The following GPRC5D variants were observed in gnomAD, a reference collection of about 807,000 sequenced individuals.
GPRC5D encodes the protein G protein-coupled receptor family C group 5 member D.
A neutral mutation model predicts 29.3 loss-of-function variants in GPRC5D; 20 were observed. That is an observed-to-expected ratio of 0.68 (90% confidence interval 0.48 to 0.99). The LOEUF is 0.99. GPRC5D is among the 50% of genes least tolerant of loss of function. The pLI is 0.00. For missense variants in GPRC5D, 384 were observed against 423.6 expected (o/e 0.91, Z 0.82); for synonymous variants, 178 against 171.3 (o/e 1.04, Z -0.30).
chr12:12,947,745 C>T lies in GPRC5D; in HGVS notation c.895+1745G>A, dbSNP rs117583201. On this transcript the variant is annotated intron_variant, in intron 1 of 2. Transcript: ENST00000228887. ...ATGCCCAGCTAATTTTTTGTAGAGACGGGGTTTCGCCATGTCGCCCAGGCT... is the reference window on the plus strand; with the variant it reads ...ATGCCCAGCTAATTTTTTGTAGAGATGGGGTTTCGCCATGTCGCCCAGGCT... 9.2e-3 allele frequency among the ~76,000 whole-genome samples: 1,404 copies of T among 152,120 alleles called. 69 individuals are homozygous for T. Among genetic ancestry groups the T allele is most frequent in the Admixed American group, 0.084 (1,282 of 15,284 alleles).
intron 1 of GPRC5D, among the ~76,000 whole-genome samples, chr12:12,944,817 CCTTCCTTCCTTCCT>C (rs1863243053): frequency 1.3e-4 from 1 of 7,542 alleles, no homozygotes; most frequent in African/African-American, 2.1e-4. Flanking sequence ...TTCCTTCCTT[CCTTCCTTCCTTCCT>C]TCCTTCCTTC....
exon 1 of GPRC5D, chr12:12,950,011 G>A (rs1214572085): frequency 1.9e-6 from 3 of 1,614,052 alleles, no homozygotes; most frequent in African/African-American, 1.3e-5. Flanking sequence ...TGTCGTCCAG[G>A]AGAAGGAGAC....
chr12:12,949,914 C>T (rs371918486), exon 1 of GPRC5D: 1 of 1,613,978 alleles, frequency 6.2e-7, no homozygotes, highest in African/African-American at 1.3e-5. Context: ...TATTCACAAA[C>T]ATCATACCTC....
At chr12:12,944,749 C>A (rs1863231773) in intron 1 of GPRC5D, among the ~76,000 whole-genome samples, 1 of 46,322 alleles carries the variant, frequency 2.2e-5, no homozygotes, top group Non-Finnish European at 8.4e-5. Context: ...TTCTTCCTTC[C>A]TTCCTTCCTT....
chr12:12,946,288 CTT>C (rs56158233), intron 1 of GPRC5D, among the ~76,000 whole-genome samples: 1 of 85,688 alleles, frequency 1.2e-5, no homozygotes, highest in African/African-American at 4.5e-5. Flanking sequence ...TCCTTCCTTC[CTT>C]TCTTCCTTCC....
intron 1 of GPRC5D, among the ~76,000 whole-genome samples, chr12:12,943,201 C>A (rs981322825): frequency 6.6e-6 from 1 of 152,146 alleles, no homozygotes; most frequent in African/African-American, 2.4e-5. Flanking sequence ...ATGGCTGCCT[C>A]CTCAACCAGC....
intron 2 of GPRC5D, 63 bp from the exon 4 acceptor site, chr12:12,940,912 G>A: frequency 2.6e-6 from 3 of 1,148,970 alleles, no homozygotes; most frequent in Non-Finnish European, 4.0e-6. Context: ...ATTCTCCAAA[G>A]TTATGTTTTT....
At chr12:12,946,145 C>G (rs1187847885) in intron 1 of GPRC5D, among the ~76,000 whole-genome samples, 1 of 152,128 alleles carries the variant, frequency 6.6e-6, no homozygotes, top group Non-Finnish European at 1.5e-5. Context: ...CATTTTTAAT[C>G]TAAATCTCTC....
At position 12,944,848 on chromosome 12, in the gene GPRC5D, TCCTTC is replaced by T. The variant is rs1565477429; in HGVS notation, c.896-2525_896-2521del. On this transcript the variant is annotated intron_variant, in intron 1 of 2. Transcript: ENST00000228887. ...TTCCTTCCTTCCTTCCTTCCTTCCT[TCCTTC>T]TTTCTTTCTTTCTTTCTTTCTTTCT... Among the ~76,000 whole-genome samples the T allele has an allele frequency of 3.9e-4, 22 of 55,838 alleles. 1 individual carries two copies. The highest frequency in any genetic ancestry group is 1.0e-3 in the African/African-American group (20 of 19,334). The allele number at this position is 55,838 out of a possible 152,430, so 36.6% of individuals were successfully genotyped here. A position where few individuals can be genotyped will look rare whatever the true frequency, so the allele number is the denominator to read the frequency against.
intron 1 of GPRC5D, among the ~76,000 whole-genome samples, chr12:12,944,834 CTTCCTTCCTTCCTTCCTTCTTTCTTTCT>C (rs1863249375): frequency 1.5e-4 from 3 of 20,030 alleles, no homozygotes; most frequent in African/African-American, 2.9e-4. Flanking sequence ...TCCTTCCTTC[CTTCCTTCCTTCCTTCCTTCTTTCTTTCT>C]TTCTTTCTTT....
chr12:12,940,687 G>T, downstream of GPRC5D: 1 of 757,834 alleles, frequency 1.3e-6, no homozygotes, highest in Admixed American at 1.8e-5. Flanking sequence ...TTCATTGGCA[G>T]CGTGACTCTG....
chr12:12,946,323 TTC>T (rs1460491365), intron 1 of GPRC5D, among the ~76,000 whole-genome samples: 2 of 147,046 alleles, frequency 1.4e-5, no homozygotes, highest in Admixed American at 1.3e-4. Flanking sequence ...CTTTCTTTCT[TTC>T]TTTCTTTCTT....
chr12:12,942,174 A>G (rs1863169098), intron 2 of GPRC5D, 87 bp downstream of exon 3: 1 of 866,830 alleles, frequency 1.2e-6, no homozygotes, highest in African/African-American at 1.6e-5. Flanking sequence ...CAGGTCAGTA[A>G]AGCCATTAGA....
downstream of GPRC5D, chr12:12,940,655 A>C (rs1045171884): frequency 2.6e-5 from 16 of 620,358 alleles, no homozygotes; most frequent in East Asian, 3.2e-4. Context: ...GGGTTAGGAA[A>C]CAGAAGGTGG....
intron 1 of GPRC5D, among the ~76,000 whole-genome samples, chr12:12,946,600 A>G (rs1863353755): frequency 6.6e-6 from 1 of 151,668 alleles, no homozygotes; most frequent in South Asian, 2.1e-4. Context: ...GATTACAGGC[A>G]TGCGTCACCA....
intron 1 of GPRC5D, chr12:12,944,337 A>G (rs893418293): frequency 2.6e-5 from 4 of 152,112 alleles, no homozygotes; most frequent in African/African-American, 4.8e-5. Context: ...AATCCTGCCT[A>G]TGACCCCACT....
chr12:12,945,801 A>C (rs952876276), intron 1 of GPRC5D, among the ~76,000 whole-genome samples: 2 of 152,218 alleles, frequency 1.3e-5, no homozygotes, highest in African/African-American at 2.4e-5. Flanking sequence ...GAGCATGTTA[A>C]ATTTCAATCA....
intron 1 of GPRC5D, among the ~76,000 whole-genome samples, chr12:12,944,790 TTCC>T (rs1565476921): frequency 1.5e-4 from 5 of 32,774 alleles, no homozygotes; most frequent in Admixed American, 5.4e-4. Context: ...CCTTCCTTCC[TTCC>T]TTCCTTCCCT....
chr12:12,950,378 T>C, exon 1 of GPRC5D: 1 of 1,597,986 alleles, frequency 6.3e-7, no homozygotes, highest in Non-Finnish European at 8.5e-7. Flanking sequence ...ATGCAGTCCT[T>C]GTACATGGTG....
Sources: gnomAD v4.1 joint callset for allele counts (sites outside exome capture counted in the v4.1 genomes callset) on GRCh38, gnomAD v4.1.1 for gene constraint, MANE v1.5 for transcripts, NCBI Gene and HGNC (gene_info 2026-07-23, HGNC 2026-07-21) for gene names.